The following CRY2 variants were observed in gnomAD, a reference collection of about 807,000 sequenced individuals.
CRY2 encodes the protein cryptochrome-2.
A neutral mutation model predicts 69.5 loss-of-function variants in CRY2; 31 were observed. The ratio of observed to expected loss-of-function variants is 0.45; its 90% confidence interval spans 0.34 to 0.60. CRY2 has a LOEUF of 0.60. CRY2 is among the 20% of genes least tolerant of loss of function. The pLI is 0.02. For synonymous variants in CRY2, 303 were observed against 312.2 expected (o/e 0.97, Z 0.31); for missense variants, 606 against 797.8 (o/e 0.76, Z 2.90).
At chr11:45,873,293 A>G (rs560184534) in intron 11 of CRY2, among the ~76,000 whole-genome samples, 2 of 152,324 alleles carry the variant, frequency 1.3e-5, no homozygotes, top group South Asian at 4.1e-4. Flanking sequence ...CTTCAGGGCC[A>G]GGCCGCAGCC....
chr11:45,876,348 G>C (rs573877498), intron 11 of CRY2, among the ~76,000 whole-genome samples: 27 of 149,320 alleles, frequency 1.8e-4, no homozygotes, highest in Non-Finnish European at 3.9e-4. Flanking sequence ...CCAATCAGTA[G>C]GTTCTACACT....
chr11:45,861,376 G>T, intron 4 of CRY2: 1 of 212,022 alleles, frequency 4.7e-6, no homozygotes, highest in South Asian at 1.0e-4. Flanking sequence ...TGCTTCTGTT[G>T]AAAGCAGGGA....
chr11:45,877,641 A>C (rs1157381312), intron 11 of CRY2, among the ~76,000 whole-genome samples: 1 of 152,126 alleles, frequency 6.6e-6, no homozygotes, highest in Admixed American at 6.5e-5. Flanking sequence ...CAACTAAGAG[A>C]TTGATTTTTC....
At position 45,872,101 on chromosome 11, in the gene CRY2, C is replaced by T. The variant is rs2086388085; in HGVS notation, c.1652C>T (p.Pro551Leu). ...AGSMSSAGPR[P>L]LPSGPASPKR... ...ACACGCTTCCCTACAGGCCCAAGAC[C>T]ACTACCCAGTGGCCCAGCATCCCCC... Residue 551 changes from proline to leucine, a missense_variant, in exon 11 of 12, where the codon CCA becomes CTA. This residue lies in a region of CRY2 where 173 missense variants were observed against 213.7 expected (regional missense o/e 0.81). Coordinates refer to ENST00000616080, the MANE Select transcript of CRY2 (RefSeq NM_021117.5). 6.2e-7 allele frequency: 1 copy of T among 1,613,938 alleles called. No homozygotes were observed. Among genetic ancestry groups the T allele is most frequent in the Non-Finnish European group, 8.5e-7 (1 of 1,179,962 alleles).
intron 5 of CRY2, among the ~76,000 whole-genome samples, chr11:45,866,810 A>G (rs1379512554): frequency 6.6e-6 from 1 of 152,146 alleles, no homozygotes; most frequent in Non-Finnish European, 1.5e-5. Context: ...GGCCGGGCAC[A>G]GTGGCTCACA....
chr11:45,858,351 G>A (rs1329935371), intron 2 of CRY2: 5 of 186,518 alleles, frequency 2.7e-5, no homozygotes, highest in African/African-American at 4.7e-5. Context: ...AGCTTGCTGA[G>A]CAGGCAGAAG....
chr11:45,853,820 C>A (rs2086216706), intron 1 of CRY2, among the ~76,000 whole-genome samples: 1 of 152,240 alleles, frequency 6.6e-6, no homozygotes, highest in South Asian at 2.1e-4. Context: ...CTTGCAGCTC[C>A]CTGTTCCTTT....
chr11:45,847,462 C>T (rs3747548), upstream of CRY2: 9 of 1,596,250 alleles, frequency 5.6e-6, no homozygotes, highest in Admixed American at 6.8e-5. Flanking sequence ...CGGGGCGGAG[C>T]GGGGGTGGCT....
intron 2 of CRY2, among the ~76,000 whole-genome samples, chr11:45,857,677 A>G (rs1468219005): frequency 6.6e-6 from 1 of 152,218 alleles, no homozygotes; most frequent in East Asian, 1.9e-4. Context: ...GACAAGGTGC[A>G]GAAGAATTAT....
chr11:45,858,885 G>A lies in CRY2; in HGVS notation c.467+12G>A. On this transcript the variant is annotated intron_variant, in intron 3 of 11. Transcript: ENST00000616080. ...TATGACCTGGACAGGTAAGAGATGG[G>A]GCCCAGGGATCAGGTTACCAATTGT... 6.2e-7 allele frequency: 1 copy of A among 1,610,828 alleles called. No individual in the cohort carries two copies. Among genetic ancestry groups the A allele is most frequent in the South Asian group, 1.1e-5 (1 of 90,674 alleles).
Position 45,856,228 on chromosome 11 carries a change from A to G in CRY2, c.324+138A>G, listed in dbSNP as rs1029487695. ...GGCTGTTGCTGCTAGAGAAGTTGGG[A>G]GCAAAGGCAGCCAGTTAGCTTGCTC... On this transcript the variant is annotated intron_variant, in intron 2 of 11. Transcript: ENST00000616080. 7 of 706,552 alleles carry G rather than the reference A, an allele frequency of 9.9e-6. No individual in the cohort carries two copies. The East Asian group carries it at 1.9e-4, about 19-fold the overall frequency. 43.8% of individuals were successfully genotyped at this position (706,552 alleles called of 1,614,324 possible).
In CRY2 at chr11:45,870,189, G is replaced by A; in HGVS notation, c.1331G>A (p.Ser444Asn). The A allele has an allele frequency of 1.9e-6, 3 of 1,612,894 alleles. No homozygotes were observed. Among genetic ancestry groups the A allele is most frequent in the Non-Finnish European group, 2.5e-6 (3 of 1,179,452 alleles). Residue 444 changes from serine to asparagine, a missense_variant, in exon 8 of 12, where the codon AGT becomes AAT. By Grantham distance (46) the Ser-to-Asn change is conservative. Coordinates refer to ENST00000616080, the MANE Select transcript of CRY2 (RefSeq NM_021117.5). ...GGCTTTGGCCGTCGCACGGACCCCAGTGGGGACTACATCAGGTGAGGATAC... is the reference window on the plus strand; with the variant it reads ...GGCTTTGGCCGTCGCACGGACCCCAATGGGGACTACATCAGGTGAGGATAC... ...PVGFGRRTDP[S>N]GDYIRRYLPK...
chr11:45,858,502 A>G (rs2086260888), intron 2 of CRY2: 1 of 513,312 alleles, frequency 1.9e-6, no homozygotes, highest in East Asian at 3.2e-5. Flanking sequence ...CCTCTCTCCC[A>G]ACTCCACTGT....
intron 1 of CRY2, among the ~76,000 whole-genome samples, chr11:45,853,419 A>G (rs1305192236): frequency 6.6e-6 from 1 of 152,208 alleles, no homozygotes; most frequent in African/African-American, 2.4e-5. Flanking sequence ...TCATAGGATT[A>G]GCTGTACTTT....
At chr11:45,870,635 T>C (rs2086371490) in intron 9 of CRY2, 103 bp downstream of exon 9, 13 of 1,415,218 alleles carry the variant, frequency 9.2e-6, no homozygotes, top group East Asian at 2.4e-5. Flanking sequence ...GACTGAGTGC[T>C]GTCTTTCAGG....
chr11:45,879,229 CA>C (rs148530444), intron 11 of CRY2, among the ~76,000 whole-genome samples: 4,382 of 138,006 alleles, frequency 0.032, 68 homozygotes, highest in South Asian at 0.045. Context: ...AACTCTGTCT[CA>C]AAAAAAAAAA....
intron 5 of CRY2, chr11:45,867,361 G>A (rs183314190): frequency 4.6e-5 from 22 of 481,676 alleles, no homozygotes; most frequent in Admixed American, 2.4e-4. Flanking sequence ...TAATAGATAC[G>A]TAGCTGAGGG....
At chr11:45,870,631 G>A (rs1412839437) in intron 9 of CRY2, 99 bp downstream of exon 9, 2 of 1,431,980 alleles carry the variant, frequency 1.4e-6, no homozygotes, top group Non-Finnish European at 1.9e-6. Flanking sequence ...GGGAGACTGA[G>A]TGCTGTCTTT....
At position 45,882,923 on chromosome 11, in the gene CRY2, A is replaced by G. The variant is rs78327214; in HGVS notation, c.*2012A>G. On this transcript the variant is annotated 3_prime_UTR_variant, in exon 12 of 12. Coordinates refer to ENST00000616080, the MANE Select transcript of CRY2 (RefSeq NM_021117.5). Reference sequence around the variant, plus strand: ...CGCCTACTTCTCCACCATCCCTAGCATGTCAGCCCGTTCCCAGATCAACCT... The same window carrying G: ...CGCCTACTTCTCCACCATCCCTAGCGTGTCAGCCCGTTCCCAGATCAACCT... The G allele has an allele frequency of 4.3e-3, 1,669 of 392,556 alleles. 17 individuals carry two copies. Among genetic ancestry groups the G allele is most frequent in the African/African-American group, 0.031 (1,526 of 48,618 alleles). The allele number at this position is 392,556 out of a possible 1,614,324, so 24.3% of individuals were successfully genotyped here. A position where few individuals can be genotyped will look rare whatever the true frequency, so the allele number is the denominator to read the frequency against.
Sources: gnomAD v4.1 joint callset for allele counts (sites outside exome capture counted in the v4.1 genomes callset) on GRCh38, gnomAD v4.1.1 for gene constraint, gnomAD v4.1.1 regional missense constraint, MANE v1.5 for transcripts, NCBI Gene and HGNC (gene_info 2026-07-23, HGNC 2026-07-21) for gene names.